CA10: variants seen among roughly 807,000 people sequenced by gnomAD.
CA10 encodes carbonic anhydrase-related protein 10.
CA10 carries 14 observed loss-of-function variants against 44.2 expected under a neutral mutation model. The observed-to-expected ratio is 0.32, with a 90% CI of 0.21 to 0.50. The LOEUF (loss-of-function observed/expected upper bound fraction) is 0.50, where lower values mean the gene tolerates loss of function less well. Among genes scored for constraint, CA10 ranks in the 20% least tolerant of loss-of-function variants. CA10 has a pLI of 0.99. For missense variants in CA10, 350 were observed against 409.7 expected (o/e 0.85, Z 1.26); for synonymous variants, 159 against 141.6 (o/e 1.12, Z -0.87).
chr17:52,048,058 A>C (rs1165574491), intron 2 of CA10, among the ~76,000 whole-genome samples: 1 of 151,450 alleles, frequency 6.6e-6, no homozygotes, highest in Admixed American at 6.6e-5. Flanking sequence ...AAAAAAAAAA[A>C]CATTTGTTTT....
intron 2 of CA10, among the ~76,000 whole-genome samples, chr17:52,071,519 C>A (rs1263456211): frequency 6.6e-6 from 1 of 152,162 alleles, no homozygotes; most frequent in East Asian, 1.9e-4. Flanking sequence ...TATTTGCCAC[C>A]AACTACAGAG....
intron 4 of CA10, among the ~76,000 whole-genome samples, chr17:51,719,012 C>T (rs569637226): frequency 8.1e-4 from 124 of 152,338 alleles, no homozygotes; most frequent in African/African-American, 2.7e-3. Context: ...ATTGGTCACA[C>T]TTTCCTCTGA....
At chr17:51,959,261 T>C (rs1465811517) in intron 2 of CA10, among the ~76,000 whole-genome samples, 1 of 48,816 alleles carries the variant, frequency 2.0e-5, no homozygotes, top group African/African-American at 5.6e-5. Context: ...TTCCTATTGT[T>C]CTCTCTCTCG....
chr17:51,960,171 A>C (rs1983834332), intron 2 of CA10, among the ~76,000 whole-genome samples: 1 of 152,094 alleles, frequency 6.6e-6, no homozygotes, highest in South Asian at 2.1e-4. Flanking sequence ...GATGCCAGAA[A>C]AAAAAGAAGA....
chr17:51,681,491 T>C (rs1401301988), intron 4 of CA10, among the ~76,000 whole-genome samples: 1 of 152,130 alleles, frequency 6.6e-6, no homozygotes, highest in East Asian at 1.9e-4. Context: ...AGTTCTTTGT[T>C]GTGGGGGCTA....
At chr17:51,920,656 A>G (rs58158084) in intron 3 of CA10, among the ~76,000 whole-genome samples, 3,116 of 152,274 alleles carry the variant, frequency 0.02, 95 homozygotes, top group African/African-American at 0.071. Context: ...ATTACAAAGA[A>G]CTGCCAAGAC....
At chr17:51,948,699 T>C (rs1983374793) in intron 2 of CA10, among the ~76,000 whole-genome samples, 1 of 152,186 alleles carries the variant, frequency 6.6e-6, no homozygotes, top group Non-Finnish European at 1.5e-5. Flanking sequence ...TGTGTGCCTT[T>C]CCAGCCCTCT....
chr17:51,689,248 A>G (rs1354036794), intron 4 of CA10, among the ~76,000 whole-genome samples: 2 of 152,238 alleles, frequency 1.3e-5, no homozygotes, highest in East Asian at 3.8e-4. Flanking sequence ...TGAGAACTTT[A>G]CAAAGCAGAG....
At chr17:51,982,993 TA>T (rs1225203845) in intron 2 of CA10, among the ~76,000 whole-genome samples, 1 of 151,892 alleles carries the variant, frequency 6.6e-6, no homozygotes, top group Non-Finnish European at 1.5e-5. Flanking sequence ...TGTTTTAGAT[TA>T]TTTTTTCTCG....
chr17:51,950,162 C>T (rs1429725966), intron 2 of CA10, among the ~76,000 whole-genome samples: 1 of 152,070 alleles, frequency 6.6e-6, no homozygotes, highest in Non-Finnish European at 1.5e-5. Flanking sequence ...GCCTCTCTGT[C>T]CACTAGCCAC....
At chr17:52,100,101 G>C (rs1289671964) in intron 1 of CA10, among the ~76,000 whole-genome samples, 4 of 152,164 alleles carry the variant, frequency 2.6e-5, no homozygotes, top group Admixed American at 1.3e-4. Flanking sequence ...GGAAATAAGA[G>C]ATCAATTTTT....
chr17:51,745,897 ATAACT>A (rs1004448169), intron 4 of CA10, among the ~76,000 whole-genome samples: 35 of 152,344 alleles, frequency 2.3e-4, no homozygotes, highest in African/African-American at 8.2e-4. Flanking sequence ...AAACCTTAAA[ATAACT>A]TAAGAGGAAG....
At chr17:51,817,446 G>A (rs555672565) in intron 3 of CA10, among the ~76,000 whole-genome samples, 1 of 152,206 alleles carries the variant, frequency 6.6e-6, no homozygotes, top group African/African-American at 2.4e-5. Context: ...ATGGTGGGGA[G>A]GGATGCATGG....
At chr17:52,016,691 T>A (rs1297086015) in intron 2 of CA10, among the ~76,000 whole-genome samples, 1 of 152,050 alleles carries the variant, frequency 6.6e-6, no homozygotes, top group African/African-American at 2.4e-5. Flanking sequence ...GGTGGATAGA[T>A]CACTTTAGGT....
intron 3 of CA10, among the ~76,000 whole-genome samples, chr17:51,868,765 C>T (rs1303450491): frequency 6.6e-6 from 1 of 152,100 alleles, no homozygotes; most frequent in Non-Finnish European, 1.5e-5. Flanking sequence ...TTGGACACCA[C>T]TCAGTGTTTA....
chr17:51,793,401 T>C (rs1191707366), intron 3 of CA10, among the ~76,000 whole-genome samples: 4 of 152,180 alleles, frequency 2.6e-5, no homozygotes, highest in Admixed American at 6.5e-5. Context: ...GTTAGCCACA[T>C]GTTGAAAAGG....
chr17:51,645,641 G>T (rs899341321), intron 6 of CA10, among the ~76,000 whole-genome samples: 2 of 152,210 alleles, frequency 1.3e-5, no homozygotes, highest in African/African-American at 2.4e-5. Context: ...ATGCTGACAA[G>T]TTTCATGGAA....
chr17:51,868,892 T>G (rs541895018), intron 3 of CA10, among the ~76,000 whole-genome samples: 3 of 100,534 alleles, frequency 3.0e-5, no homozygotes. Context: ...AGTTTTTTTG[T>G]TTTTTTTTTT....
At chr17:51,708,923 C>T (rs987975579) in intron 4 of CA10, among the ~76,000 whole-genome samples, 1 of 152,214 alleles carries the variant, frequency 6.6e-6, no homozygotes, top group African/African-American at 2.4e-5. Flanking sequence ...CTGTCATCTT[C>T]CCAACTTCTG....
Sources: allele counts gnomAD v4.1 joint callset (sites outside exome capture counted in the v4.1 genomes callset), GRCh38; gene constraint gnomAD v4.1.1; transcripts MANE v1.5; gene names NCBI Gene and HGNC (gene_info 2026-07-23, HGNC 2026-07-21).